Variants in KCNS3 observed in about 807,000 individuals in gnomAD.
KCNS3 encodes potassium voltage-gated channel modifier subfamily S member 3, also known as delayed-rectifier potassium channel regulatory subunit KCNS3.
In KCNS3, 13 loss-of-function variants were observed where a neutral mutation model predicts 31.0. The ratio of observed to expected loss-of-function variants is 0.42; its 90% CI spans 0.27 to 0.67. The LOEUF (loss-of-function observed/expected upper bound fraction) is 0.67, where lower values mean the gene tolerates loss of function less well. Among genes scored for constraint, KCNS3 ranks in the 30% least tolerant of loss-of-function variants. The pLI is 0.25. For synonymous variants in KCNS3, 238 were observed against 241.5 expected, an observed-to-expected ratio of 0.99 and a Z score of 0.13; for missense variants, 545 against 622.4, an observed-to-expected ratio of 0.88 and a Z score of 1.32.
At chr2:17,888,626 AATGTATATATATATATATATATATATAT>A in intron 1 of KCNS3, among the ~76,000 whole-genome samples, 1 of 47,588 alleles carries the variant, frequency 2.1e-5, no homozygotes, top group East Asian at 7.6e-4. Flanking sequence ...TAATAAAAAA[AATGTATATATATATATATATATATATAT>A]ATATATATAT....
upstream of KCNS3, chr2:17,877,973 G>A (rs1189222027): frequency 6.6e-6 from 1 of 152,176 alleles, no homozygotes; most frequent in East Asian, 1.9e-4. Flanking sequence ...TCCGAAAGGG[G>A]ACCCGACTGG....
intron 2 of KCNS3, among the ~76,000 whole-genome samples, chr2:17,927,882 C>T (rs1193155427): frequency 6.6e-6 from 1 of 152,238 alleles, no homozygotes; most frequent in Non-Finnish European, 1.5e-5. Flanking sequence ...CCCACCTCAG[C>T]TGCCAGTTTT....
chr2:17,925,710 G>A (rs1599518), intron 2 of KCNS3, among the ~76,000 whole-genome samples: 104,255 of 151,914 alleles, frequency 0.69, 36,418 homozygotes, highest in East Asian at 0.98. Flanking sequence ...CCATGATCCA[G>A]TTACCTCTTA....
At chr2:17,896,948 A>G (rs1165166305) in intron 1 of KCNS3, among the ~76,000 whole-genome samples, 1 of 152,008 alleles carries the variant, frequency 6.6e-6, no homozygotes, top group Non-Finnish European at 1.5e-5. Flanking sequence ...ACCTGGGTAT[A>G]TTGCTTGATG....
intron 1 of KCNS3, among the ~76,000 whole-genome samples, chr2:17,895,168 A>G (rs1252306318): frequency 6.6e-6 from 1 of 152,218 alleles, no homozygotes; most frequent in Non-Finnish European, 1.5e-5. Flanking sequence ...TCTAGATGCT[A>G]TATAAACCAT....
intron 1 of KCNS3, among the ~76,000 whole-genome samples, chr2:17,900,651 G>A (rs1037728530): frequency 5.9e-5 from 9 of 151,868 alleles, no homozygotes; most frequent in South Asian, 2.1e-4. Flanking sequence ...CACCATACCC[G>A]GCTAATTTTT....
At chr2:17,906,488 C>T (rs1428184338) in intron 1 of KCNS3, among the ~76,000 whole-genome samples, 3 of 152,238 alleles carry the variant, frequency 2.0e-5, no homozygotes, top group East Asian at 3.9e-4. Flanking sequence ...TTAGTTATTT[C>T]TTGCCTTCTG....
At chr2:17,919,337 AAC>A (rs1662660593) in intron 2 of KCNS3, 1 of 152,198 alleles carries the variant, frequency 6.6e-6, no homozygotes, top group African/African-American at 2.4e-5. Context: ...TTATTTTTGG[AAC>A]ACAGTTTTAC....
At chr2:17,878,623 G>A (rs189944458), upstream of KCNS3, 13,933 of 147,790 alleles carry the variant, frequency 0.094, 857 homozygotes, top group South Asian at 0.19. Flanking sequence ...CGCCCCGCCC[G>A]CAGCTCCCGG....
chr2:17,907,781 AT>A (rs1662371522), intron 1 of KCNS3, among the ~76,000 whole-genome samples: 1 of 152,192 alleles, frequency 6.6e-6, no homozygotes, highest in South Asian at 2.1e-4. Context: ...AATGTTGAAT[AT>A]TGGCCCCCAC....
At chr2:17,918,538 G>A (rs892483150) in intron 2 of KCNS3, among the ~76,000 whole-genome samples, 7 of 152,148 alleles carry the variant, frequency 4.6e-5, no homozygotes, top group Admixed American at 1.3e-4. Context: ...TTTGGTCACC[G>A]GAGGTATTTA....
At chr2:17,905,730 T>G (rs377430191) in intron 1 of KCNS3, among the ~76,000 whole-genome samples, 65 of 152,376 alleles carry the variant, frequency 4.3e-4, no homozygotes, top group Admixed American at 7.8e-4. Flanking sequence ...ATGTGGCTTT[T>G]GTCTTTGGTT....
At chr2:17,912,260 T>A (rs935733294) in intron 1 of KCNS3, among the ~76,000 whole-genome samples, 20 of 152,226 alleles carry the variant, frequency 1.3e-4, no homozygotes, top group African/African-American at 4.6e-4. Context: ...CTTTAAGAAG[T>A]TTTCACTGCT....
intron 1 of KCNS3, among the ~76,000 whole-genome samples, chr2:17,886,995 G>C (rs557636557): frequency 6.6e-6 from 1 of 152,236 alleles, no homozygotes; most frequent in Non-Finnish European, 1.5e-5. Context: ...ATGTCAGCAT[G>C]GTGCATCTTT....
intron 2 of KCNS3, among the ~76,000 whole-genome samples, chr2:17,927,536 G>A (rs1410994843): frequency 6.6e-6 from 1 of 152,202 alleles, no homozygotes; most frequent in Non-Finnish European, 1.5e-5. Flanking sequence ...GTTCTGCAGA[G>A]CTGAGGAAGC....
rs187648860 is a variant in KCNS3, at chr2:17,887,746, C to T, written c.-252+8940C>T. On this transcript the variant is annotated intron_variant, in intron 1 of 2. Transcript: ENST00000304101. Reference sequence around the variant, plus strand: ...CTACTTTTAGTTCTTTAAGGAATCTCCACACTGTTTACCATAGTGGTTGTA... The same window carrying T: ...CTACTTTTAGTTCTTTAAGGAATCTTCACACTGTTTACCATAGTGGTTGTA... Among the ~76,000 whole-genome samples the T allele has an allele frequency of 1.3e-4, 20 of 152,268 alleles. No individual in the cohort carries two copies. The East Asian group carries it at 2.5e-3, about 19-fold the overall frequency.
At chr2:17,900,436 C>A (rs1662146818) in intron 1 of KCNS3, among the ~76,000 whole-genome samples, 1 of 151,912 alleles carries the variant, frequency 6.6e-6, no homozygotes, top group Admixed American at 6.6e-5. Flanking sequence ...GCAGACCAAA[C>A]AAGTGCAGAG....
At chr2:17,879,653 G>C (rs1336584172) in intron 1 of KCNS3, among the ~76,000 whole-genome samples, 3 of 152,172 alleles carry the variant, frequency 2.0e-5, no homozygotes, top group African/African-American at 2.4e-5. Context: ...GGCGCCTTTC[G>C]CATTGCAGGG....
intron 1 of KCNS3, among the ~76,000 whole-genome samples, chr2:17,909,689 G>A (rs1461192423): frequency 6.6e-6 from 1 of 152,184 alleles, no homozygotes; most frequent in Admixed American, 6.5e-5. Flanking sequence ...CTTGAGGGAA[G>A]TGAGAGGGCA....
Sources: allele counts gnomAD v4.1 joint callset (sites outside exome capture counted in the v4.1 genomes callset), GRCh38; gene constraint gnomAD v4.1.1; transcripts MANE v1.5; gene names NCBI Gene and HGNC (gene_info 2026-07-23, HGNC 2026-07-21).